Variants in RBM33 observed in about 807,000 individuals in gnomAD.
RBM33 encodes RNA-binding protein 33.
In RBM33, 28 loss-of-function variants were observed where a neutral mutation model predicts 132.6. The observed-to-expected ratio is 0.21, with a 90% CI of 0.16 to 0.29. The LOEUF (loss-of-function observed/expected upper bound fraction) is 0.29. Ranked by LOEUF, RBM33 falls within the 10% of genes least tolerant of loss-of-function variation. RBM33 has a pLI of 1.00. For synonymous variants in RBM33, 634 were observed against 593.0 expected, an observed-to-expected ratio of 1.07 and a Z score of -1.01; for missense variants, 1,291 against 1,518.5, an observed-to-expected ratio of 0.85 and a Z score of 2.49.
chr7:155,722,198 A>T (rs1800648783), intron 9 of RBM33, among the ~76,000 whole-genome samples: 1 of 152,228 alleles, frequency 6.6e-6, no homozygotes, highest in Non-Finnish European at 1.5e-5. Context: ...GAGCACAGGA[A>T]GTAACATACC....
At chr7:155,673,940 G>GTTGTTGTTTGTGTTTTTTTTTT in intron 3 of RBM33, among the ~76,000 whole-genome samples, 1 of 54,214 alleles carries the variant, frequency 1.8e-5, no homozygotes, top group Non-Finnish European at 3.2e-5. Context: ...TTTAGGCTTA[G>GTTGTTGTTTGTGTTTTTTTTTT]TTTTTTTTTT....
At chr7:155,658,454 C>G (rs147267139) in intron 1 of RBM33, among the ~76,000 whole-genome samples, 6,299 of 139,974 alleles carry the variant, frequency 0.045, 135 homozygotes, top group Middle Eastern at 0.063. Flanking sequence ...GTGGCGTGAT[C>G]TTGGCCCACT....
chr7:155,737,443 A>G (rs1801164314), intron 9 of RBM33, 87 bp from the exon 10 acceptor site: 1 of 1,395,970 alleles, frequency 7.2e-7, no homozygotes, highest in Non-Finnish European at 9.5e-7. Context: ...TTTGAGGAAA[A>G]CTTGGAACCA....
rs770767584 is a variant in RBM33 at position 155,680,666 on chromosome 7, G to A, written c.325G>A (p.Asp109Asn). ...ATTTGAACTCTCTGACAACACTAACGACCAATCTGGAGAACAGGAATCTGA... is the reference window on the plus strand; with the variant it reads ...ATTTGAACTCTCTGACAACACTAACAACCAATCTGGAGAACAGGAATCTGA... The part of the protein sequence containing the change: ...TSFELSDNTN[D>N]QSGEQESEYE... The change falls in exon 5 of 18, where the codon GAC becomes AAC. Residue 109 changes from aspartate (D) to asparagine (N), a missense_variant. By Grantham distance (23) the Asp-to-Asn change is conservative. Around this residue, in one of 7 missense-constraint regions of RBM33, gnomAD observed 194 missense variants for 249.8 expected, o/e 0.78. Transcript: ENST00000401878. The A allele has an allele frequency of 1.2e-6, 2 of 1,610,332 alleles. No individual in the cohort carries two copies. The highest frequency in any genetic ancestry group is 1.7e-6 in the Non-Finnish European group (2 of 1,178,378).
In RBM33 at chr7:155,737,978, G is replaced by A. The variant is rs1237588003; in HGVS notation, c.1394-82G>A. 2.4e-6 allele frequency: 3 copies of A among 1,241,856 alleles called. No homozygotes were observed. The African/African-American group carries it at 4.5e-5, about 19-fold the overall frequency. 76.9% of individuals were successfully genotyped at this position (1,241,856 alleles called of 1,614,324 possible). A position where few individuals can be genotyped will look rare whatever the true frequency, so the allele number is the denominator to read the frequency against. On this transcript the variant is annotated intron_variant, in intron 10 of 17. Transcript: ENST00000401878. ...TCAACACTTGTGACTTCTGTCCACA[G>A]TAGGATAGTGCTTCAGACTGCTTTT...
rs2117097003 is a variant in RBM33 at position 155,779,954 on chromosome 7, A to G, written c.*4913A>G. 1 of 152,358 alleles carries G rather than the reference A, an allele frequency of 6.6e-6. No homozygotes were observed. Among genetic ancestry groups the G allele is most frequent in the African/African-American group, 2.4e-5 (1 of 41,580 alleles). The allele number at this position is 152,358 out of a possible 1,614,324, so 9.4% of individuals were successfully genotyped here. A position where few individuals can be genotyped will look rare whatever the true frequency, so the allele number is the denominator to read the frequency against. On this transcript the variant is annotated 3_prime_UTR_variant, in exon 18 of 18. Transcript: ENST00000401878. ...CTGATTTTAAAAGGTATATAGAAAA[A>G]TGTAGGCCTTTAAAAAGAAACAGCA...
Position 155,775,265 on chromosome 7 carries a change from G to T in RBM33, c.*224G>T. ...GTGTTAGATTGCTTCACATTCTCTT[G>T]TCACCACCAAGAACTCCAAGTTTTT... On this transcript the variant is annotated 3_prime_UTR_variant, in exon 18 of 18. Coordinates refer to ENST00000401878, the MANE Select transcript of RBM33 (RefSeq NM_053043.3). 1 of 650,392 alleles carries T rather than the reference G, an allele frequency of 1.5e-6. No homozygotes were observed. The highest frequency in any genetic ancestry group is 2.8e-6 in the Non-Finnish European group (1 of 356,206). The allele number at this position is 650,392 out of a possible 1,614,324, so 40.3% of individuals were successfully genotyped here.
At chr7:155,663,093 C>T (rs1451970159) in intron 1 of RBM33, among the ~76,000 whole-genome samples, 1 of 152,106 alleles carries the variant, frequency 6.6e-6, no homozygotes, top group Non-Finnish European at 1.5e-5. Context: ...CAGTTTTCAC[C>T]AGGCTCACAG....
chr7:155,646,627 C>CA (rs1798203472), intron 1 of RBM33, among the ~76,000 whole-genome samples: 2 of 152,330 alleles, frequency 1.3e-5, no homozygotes, highest in South Asian at 4.1e-4. Context: ...CAGTGGATCT[C>CA]ACGCTTTTAA....
rs1269101285 is a variant in RBM33 at position 155,713,309 on chromosome 7, TTGG to T, written c.1201+1857_1201+1859del. ...GCTCAAAGTACAGGTCAGGAGGTTG[TTGG>T]TGAATAGGTGGATTTAGACCCTGCC... On this transcript the variant is annotated intron_variant, in intron 8 of 17. Coordinates refer to ENST00000401878, the MANE Select transcript of RBM33 (RefSeq NM_053043.3). 3.9e-5 allele frequency among the ~76,000 whole-genome samples: 6 copies of T among 151,908 alleles called. No homozygotes were observed. The East Asian group carries it at 9.7e-4, about 25-fold the overall frequency.
At chr7:155,764,385 G>A (rs1335296617) in intron 15 of RBM33, among the ~76,000 whole-genome samples, 1 of 152,158 alleles carries the variant, frequency 6.6e-6, no homozygotes, top group Non-Finnish European at 1.5e-5. Flanking sequence ...TTACAAATGT[G>A]AAATCAAGTG....
Position 155,738,352 on chromosome 7 carries a change from G to A in RBM33, c.1686G>A (p.Leu562=). Residue 562 remains leucine (L), a synonymous_variant, in exon 11 of 18, where the codon CTG becomes CTA. Transcript: ENST00000401878. The stretch of plus-strand genomic sequence containing the variant: ...TCATTCCTCCTAGACAGCCGTTCCT[G>A]CCAGGCCCAGGACAGCCGTTTCTGC... The part of the protein sequence containing the change: ...RPFIPPRQPF[L]PGPGQPFLPT... 6.2e-7 allele frequency: 1 copy of A among 1,613,930 alleles called. No homozygotes were observed. The highest frequency in any genetic ancestry group is 8.5e-7 in the Non-Finnish European group (1 of 1,179,858).
chr7:155,677,646 T>G (rs1197931971), intron 3 of RBM33, among the ~76,000 whole-genome samples: 1 of 152,216 alleles, frequency 6.6e-6, no homozygotes, highest in Non-Finnish European at 1.5e-5. Context: ...TTAGGTTGAG[T>G]CCTGTGCGAC....
intron 9 of RBM33, among the ~76,000 whole-genome samples, chr7:155,727,737 G>A (rs180817715): frequency 8.7e-4 from 132 of 152,334 alleles, no homozygotes; most frequent in African/African-American, 3.1e-3. Context: ...CTGTCCAATA[G>A]CATCTGACAT....
At position 155,745,106 on chromosome 7, in the gene RBM33, C is replaced by T. The variant is rs771474731; in HGVS notation, c.2483C>T (p.Ala828Val). The T allele has an allele frequency of 3.1e-5, 49 of 1,598,564 alleles. No homozygotes were observed. Among genetic ancestry groups the T allele is most frequent in the South Asian group, 7.9e-5 (7 of 89,004 alleles). ...AAGAAGGAGCTGCTGGAGAGACTCGCGCAGCAACAGCAGCAGCTGTACGCT... is the reference window on the plus strand; with the variant it reads ...AAGAAGGAGCTGCTGGAGAGACTCGTGCAGCAACAGCAGCAGCTGTACGCT... The part of the protein sequence containing the change: ...ARKKELLERL[A>V]QQQQQLYAPP... Residue 828 changes from alanine to valine, a missense_variant, in exon 14 of 18, where the codon GCG becomes GTG. By Grantham distance (64) the Ala-to-Val change is moderately conservative. This residue lies in a region of RBM33 where 841 missense variants were observed against 912.0 expected (regional missense o/e 0.92). Coordinates refer to ENST00000401878, the MANE Select transcript of RBM33 (RefSeq NM_053043.3). This position sits in a 1 kb window ranked among gnomAD's most constrained non-coding sequence, Gnocchi z 4.1.
intron 2 of RBM33, 39 bp downstream of exon 2, chr7:155,665,292 A>G (rs1178649855): frequency 1.9e-6 from 3 of 1,567,356 alleles, no homozygotes; most frequent in African/African-American, 2.7e-5. Flanking sequence ...GCCTGTGCCG[A>G]TCTCTCTCAT....
rs1388039419 is a variant in RBM33 at position 155,777,641 on chromosome 7, G to A, written c.*2600G>A. 3 of 152,646 alleles carry A rather than the reference G, an allele frequency of 2.0e-5. No homozygotes were observed. The highest frequency in any genetic ancestry group is 2.9e-5 in the Non-Finnish European group (2 of 68,042). 9.5% of individuals were successfully genotyped at this position (152,646 alleles called of 1,614,324 possible). A position where few individuals can be genotyped will look rare whatever the true frequency, so the allele number is the denominator to read the frequency against. ...CATGCATTTAAAATGAGATGCAAGAGCATTTAGCATACCATGTAAATATGG... is the reference window on the plus strand; with the variant it reads ...CATGCATTTAAAATGAGATGCAAGAACATTTAGCATACCATGTAAATATGG... On this transcript the variant is annotated 3_prime_UTR_variant, in exon 18 of 18. Coordinates refer to ENST00000401878, the MANE Select transcript of RBM33 (RefSeq NM_053043.3).
intron 14 of RBM33, among the ~76,000 whole-genome samples, chr7:155,758,809 C>T (rs933723743): frequency 6.6e-6 from 1 of 152,184 alleles, no homozygotes; most frequent in Admixed American, 6.5e-5. Context: ...CCTGAGGACA[C>T]TGTGGTGCAC....
chr7:155,738,462 C>T, intron 11 of RBM33, 59 bp downstream of exon 11: 2 of 1,451,622 alleles, frequency 1.4e-6, no homozygotes, highest in East Asian at 2.3e-5. Flanking sequence ...GCTTTGTGTT[C>T]CATAAAGTTT....
Sources: gnomAD v4.1 joint callset for allele counts (sites outside exome capture counted in the v4.1 genomes callset) on GRCh38, gnomAD v4.1.1 for gene constraint, gnomAD v4.1.1 regional missense constraint, Gnocchi (gnomAD v3.1) non-coding constraint, MANE v1.5 for transcripts, NCBI Gene and HGNC (gene_info 2026-07-23, HGNC 2026-07-21) for gene names.